ANAPC1: variants seen among roughly 807,000 people sequenced by gnomAD.
ANAPC1 encodes anaphase-promoting complex subunit 1.
A neutral mutation model predicts 208.0 loss-of-function variants in ANAPC1; 36 were observed. The ratio of observed to expected loss-of-function variants is 0.17; its 90% confidence interval spans 0.13 to 0.23. The LOEUF (loss-of-function observed/expected upper bound fraction) is 0.23, where lower values mean the gene tolerates loss of function less well. Ranked by LOEUF, ANAPC1 falls within the 10% of genes least tolerant of loss-of-function variation. ANAPC1 has a pLI of 1.00. For missense variants in ANAPC1, 942 were observed against 2,011.6 expected (o/e 0.47, Z 10.17); for synonymous variants, 378 against 695.2 (o/e 0.54, Z 7.18).
rs1273341972 is a variant in ANAPC1 at position 111,770,990 on chromosome 2, T to C, written c.5719+1351A>G. The C allele has an allele frequency of 2.6e-5, 4 of 154,148 alleles. No individual in the cohort carries two copies. In the South Asian group the frequency reaches 8.1e-4, roughly 31 times the overall value. 9.5% of individuals were successfully genotyped at this position (154,148 alleles called of 1,614,324 possible). On this transcript the variant is annotated intron_variant, in intron 47 of 47. Transcript: ENST00000341068. ...AAAATTGCGGGGGCTCTGGGTATGT[T>C]TTCTTTCTCCTATGAAGGTTACATT... is the stretch of plus-strand genomic sequence containing the variant.
chr2:111,826,848 A>G (rs1166407440), intron 21 of ANAPC1, among the ~76,000 whole-genome samples: 1 of 151,990 alleles, frequency 6.6e-6, no homozygotes, highest in African/African-American at 2.4e-5. Flanking sequence ...TTTAGTAGAG[A>G]CAGGGTTTCA....
intron 25 of ANAPC1, 197 bp from the exon 26 acceptor site, chr2:111,821,650 T>C: frequency 3.8e-6 from 2 of 522,804 alleles, no homozygotes; most frequent in Non-Finnish European, 6.9e-6. Flanking sequence ...ACTATATTGC[T>C]GGCCGGGTGT....
chr2:111,809,947 T>C (rs1678883436), intron 28 of ANAPC1, among the ~76,000 whole-genome samples: 2 of 146,520 alleles, frequency 1.4e-5, no homozygotes, highest in South Asian at 4.4e-4. Context: ...TACCACTACT[T>C]ACCATTACTT....
intron 14 of ANAPC1, among the ~76,000 whole-genome samples, chr2:111,849,078 T>C (rs1681249900): frequency 6.6e-6 from 1 of 152,250 alleles, no homozygotes; most frequent in Non-Finnish European, 1.5e-5. Flanking sequence ...TCTAAGTGAA[T>C]ATCTTGTCAA....
intron 46 of ANAPC1, among the ~76,000 whole-genome samples, chr2:111,775,675 CT>C (rs1410715882): frequency 2.1e-4 from 32 of 152,174 alleles, no homozygotes; most frequent in Admixed American, 6.5e-4. Context: ...AGAGAATGTT[CT>C]AATCACTGCC....
chr2:111,835,532 G>A (rs1227202765), intron 18 of ANAPC1, among the ~76,000 whole-genome samples: 3 of 152,116 alleles, frequency 2.0e-5, no homozygotes, highest in Non-Finnish European at 4.4e-5. Context: ...GATACAGAAA[G>A]AACTAACCAT....
chr2:111,882,486 T>C (rs1683354370), intron 1 of ANAPC1, among the ~76,000 whole-genome samples: 2 of 151,894 alleles, frequency 1.3e-5, no homozygotes, highest in African/African-American at 4.8e-5. Flanking sequence ...TCCCAGCACT[T>C]TGGGAGGCTG....
At chr2:111,877,790 CAAAT>C (rs879850557) in intron 3 of ANAPC1, among the ~76,000 whole-genome samples, 65 of 152,068 alleles carry the variant, frequency 4.3e-4, no homozygotes, top group Non-Finnish European at 6.0e-4. Flanking sequence ...TCTCAAAAAA[CAAAT>C]AAATAAATAA....
chr2:111,873,134 T>C (rs1490613246), intron 5 of ANAPC1, 174 bp downstream of exon 5: 2 of 697,106 alleles, frequency 2.9e-6, no homozygotes, highest in Non-Finnish European at 4.5e-6. Context: ...ACTTATTTTC[T>C]TGTGAAGTAC....
intron 13 of ANAPC1, among the ~76,000 whole-genome samples, chr2:111,854,858 C>T (rs1681612576): frequency 6.6e-6 from 1 of 152,148 alleles, no homozygotes; most frequent in South Asian, 2.1e-4. Flanking sequence ...AGCGATAAGG[C>T]TGTTTCGCTT....
intron 7 of ANAPC1, 83 bp downstream of exon 7, chr2:111,867,940 T>G (rs770148602): frequency 7.6e-5 from 63 of 824,186 alleles, no homozygotes; most frequent in Non-Finnish European, 1.1e-4. Flanking sequence ...ATAAGTCAGT[T>G]TTCATATAAG....
chr2:111,831,171 A>T, intron 21 of ANAPC1, 115 bp downstream of exon 21: 1 of 884,620 alleles, frequency 1.1e-6, no homozygotes, highest in South Asian at 2.1e-5. Flanking sequence ...ATGAATCTAT[A>T]CACGTACTGA....
intron 29 of ANAPC1, among the ~76,000 whole-genome samples, chr2:111,806,170 C>T (rs1037430858): frequency 7.4e-6 from 1 of 135,056 alleles, no homozygotes; most frequent in Non-Finnish European, 1.6e-5. Context: ...AAAAAATTAC[C>T]AAGTAGTAGA....
chr2:111,808,805 T>A (rs1368942426), intron 29 of ANAPC1, 142 bp downstream of exon 29: 7 of 1,124,108 alleles, frequency 6.2e-6, no homozygotes, highest in Admixed American at 5.1e-5. Context: ...TTGTTTTTTT[T>A]AATTAGTACT....
At chr2:111,870,291 C>T (rs1201374892) in intron 6 of ANAPC1, among the ~76,000 whole-genome samples, 1 of 152,158 alleles carries the variant, frequency 6.6e-6, no homozygotes, top group Non-Finnish European at 1.5e-5. Flanking sequence ...AAGGAATCTC[C>T]ATACTGTTTT....
chr2:111,829,849 C>G (rs547286566), intron 21 of ANAPC1, among the ~76,000 whole-genome samples: 188 of 152,172 alleles, frequency 1.2e-3, no homozygotes, highest in Middle Eastern at 6.8e-3. Flanking sequence ...CCAGGCGGAT[C>G]ACTTGAGGTT....
intron 26 of ANAPC1, among the ~76,000 whole-genome samples, chr2:111,820,221 G>A (rs1373139716): frequency 6.6e-6 from 1 of 152,020 alleles, no homozygotes; most frequent in South Asian, 2.1e-4. Flanking sequence ...ATGGCTGACT[G>A]CACTGAGCTT....
chr2:111,875,129 G>A (rs148435201), intron 3 of ANAPC1, among the ~76,000 whole-genome samples: 2 of 152,322 alleles, frequency 1.3e-5, no homozygotes, highest in South Asian at 4.1e-4. Context: ...TAGTAAAGTG[G>A]TATCTCATTG....
At chr2:111,880,536 G>A (rs752993973) in intron 2 of ANAPC1, 77 bp downstream of exon 2, 3 of 1,493,544 alleles carry the variant, frequency 2.0e-6, no homozygotes, top group Non-Finnish European at 1.8e-6. Context: ...TCTCTCAGTT[G>A]CATCTTAGTA....
Sources: gnomAD v4.1 joint callset for allele counts (sites outside exome capture counted in the v4.1 genomes callset) on GRCh38, gnomAD v4.1.1 for gene constraint, MANE v1.5 for transcripts, NCBI Gene and HGNC (gene_info 2026-07-23, HGNC 2026-07-21) for gene names.